The following INSC variants were observed in gnomAD, a reference collection of about 807,000 sequenced individuals.
INSC encodes the protein protein inscuteable homolog.
In INSC, 67 loss-of-function variants were observed where a neutral mutation model predicts 58.6. That is an observed-to-expected ratio of 1.14 (90% CI 0.94 to 1.40). INSC has a LOEUF of 1.40. INSC is among the 40% of genes most tolerant of loss of function. INSC has a pLI of 0.00. For missense variants in INSC, 714 were observed against 692.0 expected (o/e 1.03, Z -0.36); for synonymous variants, 262 against 276.1 (o/e 0.95, Z 0.51).
chr11:15,187,810 C>T (rs549670951), intron 5 of INSC, among the ~76,000 whole-genome samples: 7 of 152,200 alleles, frequency 4.6e-5, no homozygotes, highest in African/African-American at 1.7e-4. Context: ...TTTTACCACT[C>T]TTCTCATGAT....
chr11:15,260,573 G>C, the INSC span, among the ~76,000 whole-genome samples: 1 of 152,062 alleles, frequency 6.6e-6, no homozygotes, highest in East Asian at 1.9e-4. Flanking sequence ...ATAATATATG[G>C]GATGTGTCTA....
chr11:15,211,045 A>C (rs1028593714), intron 7 of INSC, among the ~76,000 whole-genome samples: 12 of 152,210 alleles, frequency 7.9e-5, no homozygotes, highest in African/African-American at 2.6e-4. Flanking sequence ...GGGAGAAGGA[A>C]GGAGGATAAG....
chr11:15,147,627 G>A (rs1848526964), intron 1 of INSC, among the ~76,000 whole-genome samples: 2 of 152,200 alleles, frequency 1.3e-5, no homozygotes, highest in Admixed American at 1.3e-4. Flanking sequence ...TAGAGTGCAG[G>A]CTATGTGCCT....
intron 2 of INSC, among the ~76,000 whole-genome samples, chr11:15,172,294 C>A (rs57665868): frequency 0.032 from 4,936 of 152,264 alleles, 248 homozygotes; most frequent in African/African-American, 0.11. Context: ...AACTCCTTTT[C>A]CATCGTGTCA....
chr11:15,128,145 C>T (rs1036408846), intron 1 of INSC, among the ~76,000 whole-genome samples: 1 of 152,088 alleles, frequency 6.6e-6, no homozygotes, highest in Non-Finnish European at 1.5e-5. Flanking sequence ...TTTCTGAGAA[C>T]CTTTTTTGTA....
chr11:15,165,173 A>G (rs925737922), intron 2 of INSC, among the ~76,000 whole-genome samples: 1 of 152,134 alleles, frequency 6.6e-6, no homozygotes, highest in Non-Finnish European at 1.5e-5. Flanking sequence ...GGGTTGTCAT[A>G]TAGTTACTCT....
intron 1 of INSC, among the ~76,000 whole-genome samples, chr11:15,130,124 G>C (rs1299822210): frequency 6.6e-6 from 1 of 152,208 alleles, no homozygotes. Flanking sequence ...GCACTATAAT[G>C]AGAAGAAATT....
At chr11:15,118,832 A>T (rs973230345) in intron 1 of INSC, among the ~76,000 whole-genome samples, 2 of 152,172 alleles carry the variant, frequency 1.3e-5, no homozygotes, top group African/African-American at 4.8e-5. Context: ...ACAGTAACTC[A>T]CTTTTATTTA....
intron 12 of INSC, chr11:15,241,442 G>GTCAA: frequency 1.8e-6 from 1 of 555,836 alleles, no homozygotes; most frequent in East Asian, 3.1e-5. Context: ...GGGCATTGCA[G>GTCAA]TCAATCAGAC....
chr11:15,205,588 G>A (rs189299862), intron 7 of INSC, among the ~76,000 whole-genome samples: 2 of 152,306 alleles, frequency 1.3e-5, no homozygotes, highest in Admixed American at 6.5e-5. Context: ...GTTAGGGTCT[G>A]GTGGGGAAGG....
chr11:15,181,107 C>T (rs552943913), intron 5 of INSC, among the ~76,000 whole-genome samples: 5 of 152,232 alleles, frequency 3.3e-5, no homozygotes, highest in East Asian at 1.9e-4. Context: ...TATGATGTGC[C>T]GGTCTGCTTT....
At chr11:15,190,029 T>G (rs1850105943) in intron 5 of INSC, among the ~76,000 whole-genome samples, 1 of 152,238 alleles carries the variant, frequency 6.6e-6, no homozygotes, top group Non-Finnish European at 1.5e-5. Flanking sequence ...TCCCAGACCC[T>G]CTCATCACTA....
At chr11:15,186,397 G>A (rs1169686964) in intron 5 of INSC, among the ~76,000 whole-genome samples, 1 of 152,114 alleles carries the variant, frequency 6.6e-6, no homozygotes, top group South Asian at 2.1e-4. Flanking sequence ...AGTGAATGCA[G>A]CATCTGGATC....
chr11:15,227,610 T>C (rs2133947077), intron 9 of INSC, among the ~76,000 whole-genome samples: 1 of 152,332 alleles, frequency 6.6e-6, no homozygotes, highest in African/African-American at 2.4e-5. Flanking sequence ...GAGAGGTCCC[T>C]GTAGAGAGAA....
At chr11:15,165,060 A>C (rs1849148522) in intron 2 of INSC, among the ~76,000 whole-genome samples, 1 of 152,232 alleles carries the variant, frequency 6.6e-6, no homozygotes, top group African/African-American at 2.4e-5. Flanking sequence ...GATACCGAGC[A>C]GGTCTTACAG....
chr11:15,250,970 G>T (rs1346131432), downstream of INSC, among the ~76,000 whole-genome samples: 1 of 152,176 alleles, frequency 6.6e-6, no homozygotes, highest in Non-Finnish European at 1.5e-5. Context: ...ATTAATTAAA[G>T]GCTTGCAATA....
chr11:15,127,949 C>T (rs549911008), intron 1 of INSC, among the ~76,000 whole-genome samples: 158 of 151,872 alleles, frequency 1.0e-3, no homozygotes, highest in African/African-American at 3.5e-3. Flanking sequence ...GAGCCGAGAT[C>T]GTGCCGTTGC....
chr11:15,206,050 C>G (rs1247651332), intron 7 of INSC, among the ~76,000 whole-genome samples: 1 of 152,206 alleles, frequency 6.6e-6, no homozygotes. Flanking sequence ...TGCAGCCTCC[C>G]TGCATCCTAA....
intron 2 of INSC, among the ~76,000 whole-genome samples, chr11:15,171,895 G>C (rs969298810): frequency 6.6e-6 from 1 of 152,176 alleles, no homozygotes; most frequent in Non-Finnish European, 1.5e-5. Flanking sequence ...AATTGGATTA[G>C]TGCAGCTTAG....
Sources: allele counts gnomAD v4.1 joint callset (sites outside exome capture counted in the v4.1 genomes callset), GRCh38; gene constraint gnomAD v4.1.1; transcripts MANE v1.5; gene names NCBI Gene and HGNC (gene_info 2026-07-23, HGNC 2026-07-21).